The following CTNND2 variants were observed in gnomAD, a reference collection of about 807,000 sequenced individuals.
CTNND2 encodes catenin delta-2.
A neutral mutation model predicts 144.4 loss-of-function variants in CTNND2; 22 were observed. The ratio of observed to expected loss-of-function variants is 0.15; its 90% confidence interval spans 0.11 to 0.22. The LOEUF is 0.22. Among genes scored for constraint, CTNND2 ranks in the 10% least tolerant of loss-of-function variants. CTNND2 has a pLI of 1.00. For synonymous variants in CTNND2, 751 were observed against 695.6 expected (o/e 1.08, Z -1.25); for missense variants, 1,353 against 1,618.8 (o/e 0.84, Z 2.82).
At chr5:11,613,176 G>A (rs1780417072) in intron 2 of CTNND2, among the ~76,000 whole-genome samples, 1 of 152,004 alleles carries the variant, frequency 6.6e-6, no homozygotes, top group African/African-American at 2.4e-5. Context: ...ATTTTGCTTT[G>A]GGGTTTTTAT....
At position 11,777,189 on chromosome 5, in the gene CTNND2, T is replaced by C. The variant is rs959754253; in HGVS notation, c.38-44917A>G. Among the ~76,000 whole-genome samples the C allele has an allele frequency of 5.3e-5, 8 of 152,286 alleles. No individual in the cohort carries two copies. In the South Asian group the frequency reaches 1.4e-3, roughly 28 times the overall value. On this transcript the variant is annotated intron_variant, in intron 1 of 21. Coordinates refer to ENST00000304623, the MANE Select transcript of CTNND2 (RefSeq NM_001332.4). ...AATCGACCCTCAAATGAGCAAAATA[T>C]AATGAAACATCTCTTGGCATGTAAA...
In CTNND2 at chr5:11,247,816, G is replaced by A. The variant is rs190046547; in HGVS notation, c.1629-10993C>T. ...TCTCAAAGACCATTAGATTACAATGGATATCATCAATTATGTCATAATACC... is the reference window on the plus strand; with the variant it reads ...TCTCAAAGACCATTAGATTACAATGAATATCATCAATTATGTCATAATACC... On this transcript the variant is annotated intron_variant, in intron 9 of 21. Transcript: ENST00000304623. Among the ~76,000 whole-genome samples, 440 of 152,112 alleles carry A rather than the reference G, an allele frequency of 2.9e-3. 3 individuals are homozygous for A. The highest frequency in any genetic ancestry group is 1.0e-2 in the African/African-American group (413 of 41,494).
At chr5:11,435,632 G>A (rs934141951) in intron 3 of CTNND2, among the ~76,000 whole-genome samples, 4 of 152,120 alleles carry the variant, frequency 2.6e-5, no homozygotes, top group Admixed American at 6.6e-5. Context: ...TCTGGCTGTC[G>A]CTGGCCAACT....
chr5:11,553,401 T>A (rs1775939055), intron 3 of CTNND2, among the ~76,000 whole-genome samples: 1 of 152,120 alleles, frequency 6.6e-6, no homozygotes, highest in Non-Finnish European at 1.5e-5. Context: ...TGTAGAAAAA[T>A]TAGAAAAGAG....
intron 2 of CTNND2, among the ~76,000 whole-genome samples, chr5:11,675,723 A>C (rs1226250971): frequency 2.0e-5 from 3 of 152,036 alleles, no homozygotes; most frequent in African/African-American, 7.2e-5. Context: ...ATAAACTATT[A>C]CATCACATAT....
intron 16 of CTNND2, among the ~76,000 whole-genome samples, chr5:11,066,807 C>G (rs1353091654): frequency 6.6e-6 from 1 of 152,182 alleles, no homozygotes; most frequent in Non-Finnish European, 1.5e-5. Context: ...GAAGGCAATG[C>G]TAATGCCAGA....
intron 2 of CTNND2, among the ~76,000 whole-genome samples, chr5:11,587,708 T>C (rs1778966116): frequency 6.6e-6 from 1 of 152,104 alleles, no homozygotes; most frequent in East Asian, 1.9e-4. Flanking sequence ...TACTTTAAGT[T>C]TAGAGATAAA....
chr5:11,008,916 A>G (rs984017903), intron 18 of CTNND2, among the ~76,000 whole-genome samples: 1 of 152,190 alleles, frequency 6.6e-6, no homozygotes, highest in Admixed American at 6.5e-5. Flanking sequence ...CAGTGGCATT[A>G]GCGGGGCAAT....
chr5:11,728,824 T>C, intron 2 of CTNND2, among the ~76,000 whole-genome samples: 1 of 152,154 alleles, frequency 6.6e-6, no homozygotes, highest in East Asian at 1.9e-4. Context: ...TTTAAAACTC[T>C]TTACATATGG....
At chr5:11,493,230 G>A (rs1450738208) in intron 3 of CTNND2, among the ~76,000 whole-genome samples, 2 of 152,168 alleles carry the variant, frequency 1.3e-5, no homozygotes, top group East Asian at 1.9e-4. Context: ...GAAAGCAAAG[G>A]GATGGGGTTA....
intron 21 of CTNND2, among the ~76,000 whole-genome samples, chr5:10,978,939 T>C (rs537249051): frequency 1.3e-5 from 2 of 152,194 alleles, no homozygotes; most frequent in Non-Finnish European, 2.9e-5. Context: ...TAAATCTAGA[T>C]GGCAAGCAGT....
At chr5:11,789,803 A>G (rs1791037150) in intron 1 of CTNND2, among the ~76,000 whole-genome samples, 1 of 152,210 alleles carries the variant, frequency 6.6e-6, no homozygotes, top group African/African-American at 2.4e-5. Flanking sequence ...TTTAATTAAA[A>G]TACTTCTCAT....
At chr5:11,734,013 TA>T (rs1787539465) in intron 1 of CTNND2, among the ~76,000 whole-genome samples, 1 of 152,054 alleles carries the variant, frequency 6.6e-6, no homozygotes, top group African/African-American at 2.4e-5. Flanking sequence ...TGAGTCCTTA[TA>T]AAAGAGGCCT....
intron 5 of CTNND2, among the ~76,000 whole-genome samples, chr5:11,406,888 A>G (rs764337670): frequency 6.6e-6 from 1 of 152,154 alleles, no homozygotes; most frequent in Non-Finnish European, 1.5e-5. Flanking sequence ...CTACTGAATA[A>G]TGGAATTTTC....
At chr5:11,000,615 G>T (rs541008532) in intron 18 of CTNND2, among the ~76,000 whole-genome samples, 1 of 152,314 alleles carries the variant, frequency 6.6e-6, no homozygotes, top group East Asian at 1.9e-4. Flanking sequence ...GTCTGGCAAG[G>T]CTCAAAACTA....
chr5:11,149,481 C>T (rs573778179), intron 12 of CTNND2, among the ~76,000 whole-genome samples: 2 of 152,294 alleles, frequency 1.3e-5, no homozygotes, highest in South Asian at 4.1e-4. Context: ...AATCTTTGTG[C>T]TAACGCAGCT....
At chr5:11,412,634 A>C (rs1480613738) in intron 3 of CTNND2, among the ~76,000 whole-genome samples, 1 of 152,148 alleles carries the variant, frequency 6.6e-6, no homozygotes, top group Non-Finnish European at 1.5e-5. Flanking sequence ...CCCAGACGGA[A>C]AGGGTTGTCC....
intron 9 of CTNND2, among the ~76,000 whole-genome samples, chr5:11,254,031 C>T (rs1049476685): frequency 2.6e-5 from 4 of 152,130 alleles, no homozygotes; most frequent in Non-Finnish European, 5.9e-5. Flanking sequence ...TAAAAAAATG[C>T]TTTACATCAA....
At chr5:11,801,451 T>C (rs1263867352) in intron 1 of CTNND2, among the ~76,000 whole-genome samples, 1 of 152,200 alleles carries the variant, frequency 6.6e-6, no homozygotes, top group East Asian at 1.9e-4. Flanking sequence ...TGAACTAATT[T>C]GAATAGGCAC....
Sources: allele counts gnomAD v4.1 joint callset (sites outside exome capture counted in the v4.1 genomes callset), GRCh38; gene constraint gnomAD v4.1.1; transcripts MANE v1.5; gene names NCBI Gene and HGNC (gene_info 2026-07-23, HGNC 2026-07-21).